Variants in PBRM1 observed in about 807,000 individuals in gnomAD.
PBRM1 encodes the protein protein polybromo-1.
In PBRM1, 27 loss-of-function variants were observed where a neutral mutation model predicts 194.5. The ratio of observed to expected loss-of-function variants is 0.14; its 90% CI spans 0.10 to 0.19. The LOEUF is 0.19. Ranked by LOEUF, PBRM1 falls within the 10% of genes least tolerant of loss-of-function variation. PBRM1 has a pLI of 1.00. For synonymous variants in PBRM1, 655 were observed against 693.2 expected (o/e 0.94, Z 0.87); for missense variants, 1,466 against 2,077.2 (o/e 0.71, Z 5.72).
At chr3:52,666,687 T>A (rs1294258681) in intron 3 of PBRM1, among the ~76,000 whole-genome samples, 2 of 151,980 alleles carry the variant, frequency 1.3e-5, no homozygotes, top group African/African-American at 4.8e-5. Context: ...GCCCAGGAGT[T>A]CAAGACTAGC....
At position 52,609,562 on chromosome 3, in the gene PBRM1, T is replaced by C; in HGVS notation, c.2318A>G (p.Asn773Ser). 1 of 1,613,912 alleles carries C rather than the reference T, an allele frequency of 6.2e-7. No individual in the cohort carries two copies. Among genetic ancestry groups the C allele is most frequent in the Non-Finnish European group, 8.5e-7 (1 of 1,179,890 alleles). Residue 773 changes from asparagine to serine, a missense_variant, in exon 16 of 30, where the codon AAT becomes AGT. Transcript: ENST00000296302. This position sits in a 1 kb window ranked among gnomAD's most constrained non-coding sequence, Gnocchi z 4.1. Reference sequence around the variant, plus strand: ...AAGCTCTTGAATCAGCAAAGTCACATTTGGGACATGAGAGTCCTCATCTCC... The same window carrying C: ...AAGCTCTTGAATCAGCAAAGTCACACTTGGGACATGAGAGTCCTCATCTCC...
intron 3 of PBRM1, among the ~76,000 whole-genome samples, chr3:52,668,259 T>C (rs2096878618): frequency 6.6e-6 from 1 of 152,202 alleles, no homozygotes; most frequent in Admixed American, 6.5e-5. Context: ...ATCTCACCAC[T>C]GCACTCCAGC....
chr3:52,628,671 T>A (rs1165283288), intron 12 of PBRM1, among the ~76,000 whole-genome samples: 1 of 151,850 alleles, frequency 6.6e-6, no homozygotes. Flanking sequence ...GGGGTCTCGC[T>A]ATGTTGCCCA....
At chr3:52,548,111 G>A (rs774224630) in exon 30 of PBRM1, 9 of 1,611,418 alleles carry the variant, frequency 5.6e-6, no homozygotes, top group Non-Finnish European at 7.6e-6. Context: ...GGGTGTCCCG[G>A]AGCATCAAAT....
At chr3:52,569,707 T>C (rs990130040) in intron 22 of PBRM1, among the ~76,000 whole-genome samples, 5 of 152,252 alleles carry the variant, frequency 3.3e-5, no homozygotes, top group Admixed American at 2.0e-4. Flanking sequence ...TAAAACTTTT[T>C]TCATACAGAT....
At chr3:52,676,910 C>T (rs1015213778) in intron 2 of PBRM1, among the ~76,000 whole-genome samples, 1 of 152,126 alleles carries the variant, frequency 6.6e-6, no homozygotes, top group Non-Finnish European at 1.5e-5. Context: ...GCATTTCGCC[C>T]CTGCTCTAGA....
At chr3:52,550,586 G>A (rs1037568674) in exon 29 of PBRM1, 2 of 1,540,106 alleles carry the variant, frequency 1.3e-6, no homozygotes, top group Non-Finnish European at 1.7e-6. Flanking sequence ...GCTGGATGTG[G>A]GCCGGGATAT....
At chr3:52,667,746 CAAAAAAAA>C (rs34993730) in intron 3 of PBRM1, among the ~76,000 whole-genome samples, 3 of 85,556 alleles carry the variant, frequency 3.5e-5, no homozygotes, top group African/African-American at 4.3e-5. Context: ...GACTTTGCCT[CAAAAAAAA>C]AAAAAAAAAA....
At chr3:52,590,270 C>A (rs1224134729) in intron 17 of PBRM1, among the ~76,000 whole-genome samples, 1 of 151,894 alleles carries the variant, frequency 6.6e-6, no homozygotes, top group Non-Finnish European at 1.5e-5. Flanking sequence ...GCCTGGCCAA[C>A]ATGGTGAAAC....
intron 26 of PBRM1, among the ~76,000 whole-genome samples, chr3:52,556,442 T>C (rs1212607070): frequency 2.6e-5 from 4 of 152,208 alleles, no homozygotes; most frequent in Non-Finnish European, 4.4e-5. Context: ...CCACCAGTTA[T>C]AGCATTTAGG....
intron 11 of PBRM1, among the ~76,000 whole-genome samples, chr3:52,630,350 C>A (rs2095577725): frequency 6.6e-6 from 1 of 152,104 alleles, no homozygotes. Flanking sequence ...GCCAATAGAT[C>A]TTCCTAGGGG....
chr3:52,658,119 A>G lies in PBRM1; in HGVS notation c.645+80T>C, dbSNP rs577750695. 3 of 751,488 alleles carry G rather than the reference A, an allele frequency of 4.0e-6. No homozygotes were observed. The African/African-American group carries it at 5.2e-5, about 13-fold the overall frequency. 46.6% of individuals were successfully genotyped at this position (751,488 alleles called of 1,614,324 possible). On this transcript the variant is annotated intron_variant, in intron 5 of 29. Transcript: ENST00000296302. Reference sequence around the variant, plus strand: ...AACATCTTCCTTTTGAACTTACTTTATTTATCAGTAATTAATACAATTCTT... The same window carrying G: ...AACATCTTCCTTTTGAACTTACTTTGTTTATCAGTAATTAATACAATTCTT...
intron 21 of PBRM1, among the ~76,000 whole-genome samples, chr3:52,578,555 T>C (rs1045224407): frequency 2.0e-5 from 3 of 152,236 alleles, no homozygotes; most frequent in African/African-American, 7.2e-5. Flanking sequence ...TCAACCATAC[T>C]GTCATCCTTT....
intron 26 of PBRM1, among the ~76,000 whole-genome samples, chr3:52,557,120 A>C (rs142183786): frequency 1.2e-3 from 178 of 152,262 alleles, no homozygotes; most frequent in African/African-American, 4.1e-3. Flanking sequence ...CTGGAACCCC[A>C]TTAACCAAAA....
chr3:52,685,887 T>C, upstream of PBRM1: 1 of 620,442 alleles, frequency 1.6e-6, no homozygotes, highest in South Asian at 1.8e-5. Flanking sequence ...TCACCTCCCT[T>C]ACCCCTCCCG....
At position 52,629,042 on chromosome 3, in the gene PBRM1, A is replaced by C. The variant is rs779742362; in HGVS notation, c.1302-7T>G. 1 of 1,580,434 alleles carries C rather than the reference A, an allele frequency of 6.3e-7. No homozygotes were observed. Among genetic ancestry groups the C allele is most frequent in the South Asian group, 1.2e-5 (1 of 86,884 alleles). On this transcript the variant is annotated splice_polypyrimidine_tract_variant and splice_region_variant and intron_variant, in intron 11 of 29. Transcript: ENST00000296302. ...TTGATTCTTCAGTTTTGTTCTGTGAAAGACAAAGAAATTGCTAGAATTTTC... is the reference window on the plus strand; with the variant it reads ...TTGATTCTTCAGTTTTGTTCTGTGACAGACAAAGAAATTGCTAGAATTTTC...
At chr3:52,586,295 T>A (rs2092382472) in intron 20 of PBRM1, 130 bp downstream of exon 22, 1 of 756,734 alleles carries the variant, frequency 1.3e-6, no homozygotes, top group African/African-American at 1.7e-5. Flanking sequence ...TGTTATAGTT[T>A]CCTTCTTCCT....
intron 5 of PBRM1, among the ~76,000 whole-genome samples, chr3:52,653,546 T>G (rs4435633): frequency 0.47 from 67,881 of 145,890 alleles, 15,785 homozygotes; most frequent in African/African-American, 0.53. Context: ...CTGAGATTGC[T>G]CCATTGCACT....
chr3:52,558,344 G>T (rs1413760303), exon 26 of PBRM1: 2 of 1,550,144 alleles, frequency 1.3e-6, no homozygotes, highest in Non-Finnish European at 1.7e-6. Context: ...TGCTCGGGGA[G>T]AAGCACTCGG....
Sources: allele counts gnomAD v4.1 joint callset (sites outside exome capture counted in the v4.1 genomes callset), GRCh38; gene constraint gnomAD v4.1.1; non-coding constraint Gnocchi (gnomAD v3.1); transcripts MANE v1.5; gene names NCBI Gene and HGNC (gene_info 2026-07-23, HGNC 2026-07-21).